Variants in ING4 observed in about 807,000 individuals in gnomAD.
ING4 encodes inhibitor of growth protein 4.
A neutral mutation model predicts 33.1 loss-of-function variants in ING4; 28 were observed. That is an observed-to-expected ratio of 0.85 (90% CI 0.63 to 1.16). ING4 has a LOEUF of 1.16. ING4 is among the 50% of genes most tolerant of loss of function. ING4 has a pLI of 0.00. For missense variants in ING4, 247 were observed against 314.7 expected (o/e 0.78, Z 1.63); for synonymous variants, 87 against 104.4 (o/e 0.83, Z 1.02).
chr12:6,652,449 C>G, intron 5 of ING4, 31 bp from the exon 6 acceptor site: 1 of 1,609,626 alleles, frequency 6.2e-7, no homozygotes. Context: ...AAAGTGTCAT[C>G]TACAGGAAGG....
chr12:6,655,408 A>T (rs540116312), intron 2 of ING4, among the ~76,000 whole-genome samples: 1 of 152,236 alleles, frequency 6.6e-6, no homozygotes, highest in Non-Finnish European at 1.5e-5. Context: ...ATGTTTACTA[A>T]TATTTGGAAG....
intron 1 of ING4, among the ~76,000 whole-genome samples, chr12:6,661,110 T>TG (rs897541996): frequency 2.0e-5 from 3 of 149,640 alleles, no homozygotes; most frequent in African/African-American, 7.4e-5. Context: ...TTTTTGTTTT[T>TG]TTTTTGAGGC....
Position 6,651,201 on chromosome 12 carries a change from C to T in ING4, c.741G>A (p.Lys247=), listed in dbSNP as rs76327967. The T allele has an allele frequency of 0.046, 74,700 of 1,614,012 alleles. 2,624 individuals are homozygous for T. Among genetic ancestry groups the T allele is most frequent in the African/African-American group, 0.17 (12,684 of 75,016 alleles). The change falls in exon 8 of 8, where the codon AAG becomes AAA. Residue 247 remains lysine, a synonymous_variant. Coordinates refer to ENST00000341550, the MANE Select transcript of ING4 (RefSeq NM_016162.4). The part of the protein sequence containing the change: ...FCPRCSQERK[K]K The stretch of plus-strand genomic sequence containing the variant: ...TGGAATCCAAGGCCCTTATCTATTT[C>T]TTCTTCCGTTCTTGGGAGCAGCGTG...
chr12:6,655,751 CT>C, intron 2 of ING4: 1 of 439,572 alleles, frequency 2.3e-6, no homozygotes, highest in Admixed American at 3.0e-5. Flanking sequence ...CAAAACCAGT[CT>C]GTTACATCCT....
chr12:6,655,689 C>T, intron 2 of ING4: 1 of 862,114 alleles, frequency 1.2e-6, no homozygotes. Context: ...TGATGATGTT[C>T]ACCTTTTCAT....
intron 1 of ING4, among the ~76,000 whole-genome samples, 175 bp from the exon 2 acceptor site, chr12:6,656,973 C>T (rs964430061): frequency 6.6e-6 from 1 of 151,348 alleles, no homozygotes; most frequent in African/African-American, 2.4e-5. Flanking sequence ...GCCAACATGG[C>T]GAGACCTCCA....
intron 2 of ING4, among the ~76,000 whole-genome samples, chr12:6,655,159 T>A (rs1424327009): frequency 6.6e-6 from 1 of 152,204 alleles, no homozygotes; most frequent in Non-Finnish European, 1.5e-5. Flanking sequence ...TTCTCCTGCA[T>A]CAGCCTCCTG....
At chr12:6,660,477 C>T (rs776610033) in intron 1 of ING4, among the ~76,000 whole-genome samples, 3 of 151,764 alleles carry the variant, frequency 2.0e-5, no homozygotes, top group African/African-American at 7.3e-5. Flanking sequence ...GGTATGGTGG[C>T]GGGCACTGTA....
rs963244405 is a variant in ING4 at position 6,663,111 on chromosome 12, A to C, written c.-10T>G. The C allele has an allele frequency of 2.5e-6, 4 of 1,614,154 alleles. No homozygotes were observed. The highest frequency in any genetic ancestry group is 8.5e-7 in the Non-Finnish European group (1 of 1,180,008). On this transcript the variant is annotated 5_prime_UTR_variant, in exon 1 of 8. Transcript: ENST00000341550. ...ACATCCCCGCAGCCATCTCGAAGCA[A>C]AACAAAGCAACTTCCGATCCGCCCC...
At chr12:6,656,371 T>C (rs1025443729) in intron 2 of ING4, 4 of 241,092 alleles carry the variant, frequency 1.7e-5, no homozygotes, top group Non-Finnish European at 3.2e-5. Context: ...AGATGGGGTT[T>C]CACCATGTGG....
chr12:6,652,959 C>G lies in ING4; in HGVS notation c.368G>C (p.Ser123Thr), dbSNP rs781457492. The G allele has an allele frequency of 1.4e-5, 22 of 1,614,004 alleles. No individual in the cohort carries two copies. The highest frequency in any genetic ancestry group is 1.9e-5 in the Non-Finnish European group (22 of 1,179,932). Residue 123 changes from serine (S) to threonine (T), a missense_variant, in exon 4 of 8, where the codon AGC (serine) becomes ACC (threonine). Physicochemically the swap from Ser to Thr is moderately conservative, Grantham distance 58. This residue lies in a region of ING4 where 198 missense variants were observed against 221.2 expected (regional missense o/e 0.89). Transcript: ENST00000341550. The part of the protein sequence containing the change: ...EKQIESSDYD[S>T]SSSKGKKSRT... Reference sequence around the variant, plus strand: ...ACTCTTTTTGCCTTTGCTGGAAGAGCTGTCATAGTCACTTGACTCAATCTG... The same window carrying G: ...ACTCTTTTTGCCTTTGCTGGAAGAGGTGTCATAGTCACTTGACTCAATCTG...
At chr12:6,660,234 T>TA (rs1275055845) in intron 1 of ING4, among the ~76,000 whole-genome samples, 2 of 152,126 alleles carry the variant, frequency 1.3e-5, no homozygotes, top group African/African-American at 4.8e-5. Context: ...CCAAGGCAGG[T>TA]AGATCGCTTG....
In ING4 at chr12:6,656,760, G is replaced by C. The variant is rs140970573; in HGVS notation, c.76C>G (p.Gln26Glu). Residue 26 changes from glutamine to glutamate, a missense_variant, in exon 2 of 8, where the codon CAG (glutamine) becomes GAG (glutamate). Physicochemically the swap from Gln to Glu is conservative, Grantham distance 29. Transcript: ENST00000341550. ...NLPFELQRNF[Q>E]LMRDLDQRTE... ...CTTTGGTCTAGGTCCCTCATGAGCT[G>C]AAAGTTTCTCTGTAATTCAAAGGGA... 2 of 1,575,552 alleles carry C rather than the reference G, an allele frequency of 1.3e-6. No homozygotes were observed. The highest frequency in any genetic ancestry group is 1.7e-6 in the Non-Finnish European group (2 of 1,166,096).
At chr12:6,661,634 C>CAGGGT (rs1949557492) in intron 1 of ING4, among the ~76,000 whole-genome samples, 1 of 150,818 alleles carries the variant, frequency 6.6e-6, no homozygotes, top group Non-Finnish European at 1.5e-5. Flanking sequence ...CCATGTTGGA[C>CAGGGT]AGGGTGATCT....
At chr12:6,652,242 C>G (rs1319683303) in intron 6 of ING4, 29 bp downstream of exon 6, 5 of 1,608,566 alleles carry the variant, frequency 3.1e-6, no homozygotes, top group Middle Eastern at 1.7e-4. Context: ...CCCTCACAAC[C>G]CCCCATCCTA....
At chr12:6,656,547 T>C (rs1233294781) in intron 2 of ING4, 180 bp downstream of exon 2, 3 of 542,276 alleles carry the variant, frequency 5.5e-6, no homozygotes, top group African/African-American at 4.0e-5. Flanking sequence ...CTATTTGTTA[T>C]GAAAAAGCTG....
intron 2 of ING4, 142 bp from the exon 3 acceptor site, chr12:6,653,538 C>G (rs1226647757): frequency 2.6e-5 from 21 of 792,898 alleles, no homozygotes; most frequent in Non-Finnish European, 3.9e-5. Flanking sequence ...AGGTACTGTG[C>G]CATGCACTCA....
rs1200340136 is a variant in ING4 at position 6,652,673 on chromosome 12, CT to C, written c.485del (p.Lys162SerfsTer14). 2 of 1,613,916 alleles carry C rather than the reference CT, an allele frequency of 1.2e-6. No individual in the cohort carries two copies. Among genetic ancestry groups the C allele is most frequent in the Admixed American group, 1.7e-5 (1 of 60,002 alleles). On this transcript the variant is annotated frameshift_variant, in exon 5 of 8. Coordinates refer to ENST00000341550, the MANE Select transcript of ING4 (RefSeq NM_016162.4). LOFTEE classifies it high-confidence loss of function. ...CCTGAATCACTCACGTGCGCACGAG[CT>C]TTAACTTCTTCTGGGCAGTCTTGGG... ...EAPKTAQKKL[K>X]LVRTSPEYGM...
chr12:6,651,749 C>T (rs1313070111), intron 6 of ING4, among the ~76,000 whole-genome samples: 5 of 151,928 alleles, frequency 3.3e-5, no homozygotes, highest in African/African-American at 1.2e-4. Flanking sequence ...ACCGTGTTGG[C>T]CAGGCCAGTC....
Sources: allele counts gnomAD v4.1 joint callset (sites outside exome capture counted in the v4.1 genomes callset), GRCh38; gene constraint gnomAD v4.1.1; regional missense constraint gnomAD v4.1.1; transcripts MANE v1.5; gene names NCBI Gene and HGNC (gene_info 2026-07-23, HGNC 2026-07-21).